SEMA3A: variants seen among roughly 807,000 people sequenced by gnomAD.
SEMA3A encodes semaphorin-3A.
In SEMA3A, 29 loss-of-function variants were observed where a neutral mutation model predicts 97.9. The observed-to-expected ratio is 0.30, with a 90% CI of 0.22 to 0.40. The LOEUF (loss-of-function observed/expected upper bound fraction) is 0.40, where lower values mean the gene tolerates loss of function less well. Among genes scored for constraint, SEMA3A ranks in the 10% least tolerant of loss-of-function variants. The pLI is 1.00. For synonymous variants in SEMA3A, 321 were observed against 323.7 expected, an observed-to-expected ratio of 0.99 and a Z score of 0.09; for missense variants, 763 against 951.3, an observed-to-expected ratio of 0.80 and a Z score of 2.60.
At chr7:84,262,600 CT>C (rs1584181027) in intron 3 of SEMA3A, among the ~76,000 whole-genome samples, 1 of 152,322 alleles carries the variant, frequency 6.6e-6, no homozygotes, top group East Asian at 1.9e-4. Flanking sequence ...CCTTAAATTA[CT>C]TTCTATGAGA....
intron 4 of SEMA3A, among the ~76,000 whole-genome samples, chr7:84,094,704 C>CATGCTAAAT (rs1360861223): frequency 2.6e-5 from 4 of 152,212 alleles, no homozygotes; most frequent in Admixed American, 2.6e-4. Context: ...CCACCGCTAA[C>CATGCTAAAT]AACTAAAACA....
chr7:84,325,447 A>G (rs1053882877), intron 2 of SEMA3A, among the ~76,000 whole-genome samples: 1 of 152,080 alleles, frequency 6.6e-6, no homozygotes, highest in African/African-American at 2.4e-5. Flanking sequence ...AAGACAGAAG[A>G]TTTGCCACAG....
At chr7:84,444,864 G>A (rs1332997029) in intron 1 of SEMA3A, among the ~76,000 whole-genome samples, 1 of 151,884 alleles carries the variant, frequency 6.6e-6, no homozygotes, top group African/African-American at 2.4e-5. Flanking sequence ...TTTCTTATTT[G>A]TAAACTGCTC....
At chr7:84,321,369 C>T (rs1801638726) in intron 2 of SEMA3A, among the ~76,000 whole-genome samples, 1 of 152,124 alleles carries the variant, frequency 6.6e-6, no homozygotes, top group Admixed American at 6.5e-5. Context: ...TGTTAGGATA[C>T]TAGTTTATGA....
intron 12 of SEMA3A, among the ~76,000 whole-genome samples, chr7:83,995,083 G>T (rs188304794): frequency 2.6e-5 from 4 of 152,222 alleles, no homozygotes; most frequent in African/African-American, 9.6e-5. Context: ...GATTTTCCAG[G>T]TGCCATCCGT....
At chr7:84,106,712 T>A (rs1025529699) in intron 4 of SEMA3A, among the ~76,000 whole-genome samples, 3 of 152,100 alleles carry the variant, frequency 2.0e-5, no homozygotes, top group African/African-American at 7.2e-5. Flanking sequence ...AAGTGATGGG[T>A]TTTACTTCTG....
At chr7:84,257,575 T>C (rs2115643499) in intron 3 of SEMA3A, among the ~76,000 whole-genome samples, 1 of 152,278 alleles carries the variant, frequency 6.6e-6, no homozygotes, top group African/African-American at 2.4e-5. Flanking sequence ...AGGACAAGAA[T>C]GTGTACCTGC....
chr7:84,242,736 G>C (rs1170821320), intron 3 of SEMA3A, among the ~76,000 whole-genome samples: 2 of 152,102 alleles, frequency 1.3e-5, no homozygotes, highest in African/African-American at 4.8e-5. Flanking sequence ...AATGCTTCCA[G>C]CTTTTGCCCA....
intron 3 of SEMA3A, among the ~76,000 whole-genome samples, chr7:84,299,356 C>CTT (rs1236259100): frequency 3.6e-5 from 5 of 138,334 alleles, no homozygotes; most frequent in African/African-American, 2.8e-5. Flanking sequence ...CTCTCTCTCT[C>CTT]TCTCTCTCCC....
In SEMA3A at chr7:84,405,612, A is replaced by C. The variant is rs916805116; in HGVS notation, c.-245-33712T>G. On this transcript the variant is annotated intron_variant, in intron 1 of 3. Transcript: ENST00000424555. ...TATGCATTCTTTGCAGCACCACACC[A>C]CACCTATTCCAAAAATGACCACATA... 3.9e-5 allele frequency among the ~76,000 whole-genome samples: 6 copies of C among 152,126 alleles called. No individual in the cohort carries two copies. In the South Asian group the frequency reaches 1.0e-3, roughly 26 times the overall value.
At chr7:84,115,842 A>T (rs573570645) in intron 3 of SEMA3A, among the ~76,000 whole-genome samples, 1 of 152,302 alleles carries the variant, frequency 6.6e-6, no homozygotes, top group African/African-American at 2.4e-5. Flanking sequence ...ATTTTATGCA[A>T]GGTGCTGAAT....
intron 1 of SEMA3A, among the ~76,000 whole-genome samples, chr7:84,470,672 T>C (rs1027291837): frequency 6.6e-6 from 1 of 152,072 alleles, no homozygotes. Flanking sequence ...GCAAGGTTTA[T>C]ACACACAAAT....
chr7:84,056,591 A>C lies in SEMA3A; in HGVS notation c.547+3874T>G, dbSNP rs549489132. Among the ~76,000 whole-genome samples the C allele has an allele frequency of 2.6e-5, 4 of 151,800 alleles. No individual in the cohort carries two copies. The South Asian group carries it at 8.3e-4, about 31-fold the overall frequency. ...TTAGAAACAGAAGGGGGAAAAAAAAAAGAAAATACCCCCTCTATCACACAC... is the reference window on the plus strand; with the variant it reads ...TTAGAAACAGAAGGGGGAAAAAAAACAGAAAATACCCCCTCTATCACACAC... On this transcript the variant is annotated intron_variant, in intron 5 of 16. Transcript: ENST00000265362.
At chr7:84,338,166 C>CAT (rs138584244) in intron 2 of SEMA3A, among the ~76,000 whole-genome samples, 2,601 of 148,880 alleles carry the variant, frequency 0.017, 63 homozygotes, top group East Asian at 0.067. Context: ...TATATACATG[C>CAT]ATATATATAT....
chr7:84,307,075 A>C (rs2115848196), intron 3 of SEMA3A: 1 of 152,222 alleles, frequency 6.6e-6, no homozygotes, highest in African/African-American at 2.4e-5. Flanking sequence ...AGACTATATA[A>C]ACAAAAAAAG....
intron 1 of SEMA3A, among the ~76,000 whole-genome samples, chr7:84,150,365 G>A (rs1177185298): frequency 5.3e-5 from 8 of 152,152 alleles, no homozygotes; most frequent in Non-Finnish European, 7.3e-5. Flanking sequence ...GACAGTGGGC[G>A]CAGGTCAGTG....
At chr7:84,147,509 G>C (rs555348185) in intron 1 of SEMA3A, among the ~76,000 whole-genome samples, 26 of 152,170 alleles carry the variant, frequency 1.7e-4, no homozygotes, top group Non-Finnish European at 3.5e-4. Context: ...CATTCCCAGA[G>C]TGAGAAGAAA....
intron 1 of SEMA3A, among the ~76,000 whole-genome samples, chr7:84,150,567 C>T (rs188839082): frequency 6.6e-6 from 1 of 152,292 alleles, no homozygotes; most frequent in African/African-American, 2.4e-5. Flanking sequence ...AGATTATATC[C>T]CGCACCTGGC....
At chr7:84,454,238 G>C (rs955745554) in intron 1 of SEMA3A, among the ~76,000 whole-genome samples, 3 of 152,028 alleles carry the variant, frequency 2.0e-5, no homozygotes, top group Admixed American at 1.3e-4. Context: ...TTTTGTAATG[G>C]CTTTTTTTAA....
Sources: gnomAD v4.1 joint callset for allele counts (sites outside exome capture counted in the v4.1 genomes callset) on GRCh38, gnomAD v4.1.1 for gene constraint, MANE v1.5 for transcripts, NCBI Gene and HGNC (gene_info 2026-07-23, HGNC 2026-07-21) for gene names.